PINX1: variants seen among roughly 807,000 people sequenced by gnomAD.
The protein encoded by PINX1 is PIN2/TERF1-interacting telomerase inhibitor 1.
A neutral mutation model predicts 25.4 loss-of-function variants in PINX1; 34 were observed. That is an observed-to-expected ratio of 1.34 (90% CI 1.02 to 1.78). PINX1 has a LOEUF of 1.78. Among genes scored for constraint, PINX1 ranks in the 40% most tolerant of loss-of-function variants. The probability of loss-of-function intolerance (pLI) is 0.00; values close to 1 mark genes in which losing one functional copy is unlikely to be tolerated. For synonymous variants in PINX1, 197 were observed against 147.7 expected, an observed-to-expected ratio of 1.33 and a Z score of -2.42; for missense variants, 592 against 404.9, an observed-to-expected ratio of 1.46 and a Z score of -3.97.
intron 6 of PINX1, among the ~76,000 whole-genome samples, chr8:10,779,403 T>C (rs1801513876): frequency 1.3e-5 from 2 of 152,254 alleles, no homozygotes. Flanking sequence ...ACAAACTTGA[T>C]TCTGCAACTA....
chr8:10,790,656 G>C (rs1229842781), intron 6 of PINX1, among the ~76,000 whole-genome samples: 1 of 152,174 alleles, frequency 6.6e-6, no homozygotes, highest in Non-Finnish European at 1.5e-5. Context: ...GAGCAGCTCA[G>C]GCTGAGGCTC....
At position 10,834,758 on chromosome 8, in the gene PINX1, A is replaced by T. The variant is rs753664198; in HGVS notation, c.37T>A (p.Trp13Arg). Residue 13 changes from tryptophan (W) to arginine (R), a missense_variant, in exon 2 of 7, where the codon TGG (tryptophan) becomes AGG (arginine). Coordinates refer to ENST00000314787, the MANE Select transcript of PINX1 (RefSeq NM_017884.6). Reference protein sequence around the residue: ...MLAERRRKQKWAVDPQNTAWS... With the variant: ...MLAERRRKQKRAVDPQNTAWS... ...GCAGTGTTCTGAGGATCCACAGCCC[A>T]CTTCTGCTTCCGCCGACCTGTAAAT... 2 of 1,613,314 alleles carry T rather than the reference A, an allele frequency of 1.2e-6. No individual in the cohort carries two copies.
At chr8:10,769,324 G>C (rs551388683) in intron 6 of PINX1, among the ~76,000 whole-genome samples, 1 of 152,196 alleles carries the variant, frequency 6.6e-6, no homozygotes, top group Non-Finnish European at 1.5e-5. Context: ...TTCACAGCAA[G>C]CCTCACAGTC....
At chr8:10,829,409 C>CT (rs1798158157) in intron 4 of PINX1, among the ~76,000 whole-genome samples, 1 of 152,024 alleles carries the variant, frequency 6.6e-6, no homozygotes, top group African/African-American at 2.4e-5. Context: ...GCCAGCCACA[C>CT]TATCAGGAGG....
intron 6 of PINX1, among the ~76,000 whole-genome samples, chr8:10,773,927 C>A (rs905133499): frequency 6.6e-6 from 1 of 152,238 alleles, no homozygotes; most frequent in Non-Finnish European, 1.5e-5. Context: ...ATAAACGAGG[C>A]TCCTCCAGAG....
chr8:10,837,081 A>C (rs1397649817), intron 1 of PINX1, among the ~76,000 whole-genome samples: 1 of 152,220 alleles, frequency 6.6e-6, no homozygotes, highest in East Asian at 1.9e-4. Flanking sequence ...CAGGGAACTC[A>C]AGGGTTCCCA....
intron 6 of PINX1, among the ~76,000 whole-genome samples, chr8:10,807,675 T>C (rs1802496974): frequency 6.6e-6 from 1 of 151,990 alleles, no homozygotes; most frequent in East Asian, 1.9e-4. Flanking sequence ...GACACTAGAG[T>C]AATACCTTCA....
intron 6 of PINX1, among the ~76,000 whole-genome samples, chr8:10,811,717 G>A (rs1162328839): frequency 6.6e-6 from 1 of 152,168 alleles, no homozygotes; most frequent in Non-Finnish European, 1.5e-5. Context: ...TCTCTCCACG[G>A]GGGCTTGCCT....
At chr8:10,778,652 G>A (rs951991712) in intron 6 of PINX1, among the ~76,000 whole-genome samples, 1 of 152,136 alleles carries the variant, frequency 6.6e-6, no homozygotes, top group Non-Finnish European at 1.5e-5. Context: ...TGAGACACGT[G>A]GCCGCTGTTA....
intron 6 of PINX1, among the ~76,000 whole-genome samples, chr8:10,776,124 C>T (rs1398609993): frequency 3.3e-5 from 5 of 152,164 alleles, no homozygotes; most frequent in South Asian, 2.1e-4. Flanking sequence ...CAAAAGCTTT[C>T]GAGAATAAAA....
chr8:10,829,746 C>T (rs1437163343), intron 4 of PINX1, among the ~76,000 whole-genome samples: 1 of 151,760 alleles, frequency 6.6e-6, no homozygotes, highest in African/African-American at 2.4e-5. Flanking sequence ...AGTGCAATGG[C>T]GTGATCTCGC....
At chr8:10,780,243 A>G (rs1801541575) in intron 6 of PINX1, among the ~76,000 whole-genome samples, 2 of 152,136 alleles carry the variant, frequency 1.3e-5, no homozygotes, top group Admixed American at 1.3e-4. Flanking sequence ...TAGTACTTCC[A>G]GTACTATGTT....
At chr8:10,801,568 T>C (rs1213056518) in intron 6 of PINX1, among the ~76,000 whole-genome samples, 1 of 152,178 alleles carries the variant, frequency 6.6e-6, no homozygotes, top group East Asian at 1.9e-4. Flanking sequence ...TAAACCTCAG[T>C]TTCCTTTTCT....
intron 6 of PINX1, among the ~76,000 whole-genome samples, chr8:10,799,619 C>G (rs760430713): frequency 2.6e-5 from 4 of 152,196 alleles, no homozygotes; most frequent in Non-Finnish European, 4.4e-5. Flanking sequence ...GCCACTCAGA[C>G]CACATTGGTG....
chr8:10,766,124 G>A (rs1469041796), intron 6 of PINX1, among the ~76,000 whole-genome samples: 2 of 152,130 alleles, frequency 1.3e-5, no homozygotes, highest in African/African-American at 4.8e-5. Flanking sequence ...CTGCAGGCCG[G>A]GAGCAAGGCG....
At chr8:10,768,801 C>A (rs1801137947) in intron 6 of PINX1, among the ~76,000 whole-genome samples, 1 of 152,218 alleles carries the variant, frequency 6.6e-6, no homozygotes, top group Non-Finnish European at 1.5e-5. Context: ...AGATTCTAAT[C>A]CTGCTTCTGC....
At chr8:10,792,818 T>C (rs1801965717) in intron 6 of PINX1, among the ~76,000 whole-genome samples, 1 of 152,202 alleles carries the variant, frequency 6.6e-6, no homozygotes, top group African/African-American at 2.4e-5. Context: ...AGCTGTCACC[T>C]GTGTGAATTA....
At chr8:10,766,178 G>A (rs891625101) in intron 6 of PINX1, among the ~76,000 whole-genome samples, 1 of 152,184 alleles carries the variant, frequency 6.6e-6, no homozygotes, top group African/African-American at 2.4e-5. Context: ...GTAGATGACA[G>A]GCAGAAGCTA....
intron 5 of PINX1, among the ~76,000 whole-genome samples, 157 bp downstream of exon 5, chr8:10,825,995 C>A (rs1308783331): frequency 6.6e-6 from 1 of 152,216 alleles, no homozygotes; most frequent in East Asian, 1.9e-4. Context: ...TCAGGCACAC[C>A]ACAGTCAATG....
Sources: allele counts gnomAD v4.1 joint callset (sites outside exome capture counted in the v4.1 genomes callset), GRCh38; gene constraint gnomAD v4.1.1; transcripts MANE v1.5; gene names NCBI Gene and HGNC (gene_info 2026-07-23, HGNC 2026-07-21).